Variants in ANKS1B observed in about 807,000 individuals in gnomAD.
The protein encoded by ANKS1B is ankyrin repeat and sterile alpha motif domain containing 1B.
In ANKS1B, 36 loss-of-function variants were observed where a neutral mutation model predicts 148.3. That is an observed-to-expected ratio of 0.24 (90% CI 0.19 to 0.32). ANKS1B has a LOEUF of 0.32. ANKS1B is among the 10% of genes least tolerant of loss of function. The probability of loss-of-function intolerance (pLI) is 1.00; values close to 1 mark genes in which losing one functional copy is unlikely to be tolerated. For synonymous variants in ANKS1B, 542 were observed against 560.8 expected (o/e 0.97, Z 0.47); for missense variants, 1,157 against 1,542.6 (o/e 0.75, Z 4.19).
intron 24 of ANKS1B, among the ~76,000 whole-genome samples, chr12:98,775,540 G>A (rs886646110): frequency 6.6e-6 from 1 of 151,900 alleles, no homozygotes; most frequent in Non-Finnish European, 1.5e-5. Flanking sequence ...AACTTCTCAG[G>A]CTCAAGCAAT....
Position 98,777,218 on chromosome 12 carries a change from C to A in ANKS1B, c.3441+3899G>T, listed in dbSNP as rs183524640. Among the ~76,000 whole-genome samples the A allele has an allele frequency of 3.9e-4, 60 of 152,170 alleles. No individual in the cohort carries two copies. The East Asian group carries it at 7.7e-3, about 20-fold the overall frequency. ...TTAAAAACAAAACAAAACAAAAAAA[C>A]CCCCAAACAACAGGCACTTGTTTAG... is the stretch of plus-strand genomic sequence containing the variant. On this transcript the variant is annotated intron_variant, in intron 24 of 26. Transcript: ENST00000683438.
At chr12:99,644,733 T>C (rs1003047464) in intron 9 of ANKS1B, among the ~76,000 whole-genome samples, 33 of 152,204 alleles carry the variant, frequency 2.2e-4, no homozygotes, top group African/African-American at 7.5e-4. Flanking sequence ...ACAACACAAA[T>C]TTATTCTCTC....
chr12:99,847,189 T>G (rs1204160823), intron 1 of ANKS1B, among the ~76,000 whole-genome samples: 1 of 151,646 alleles, frequency 6.6e-6, no homozygotes, highest in Non-Finnish European at 1.5e-5. Flanking sequence ...CACTGCATTC[T>G]CAAACTCCTA....
intron 17 of ANKS1B, among the ~76,000 whole-genome samples, chr12:98,848,559 A>ATT (rs199611015): frequency 9.6e-4 from 131 of 136,500 alleles, no homozygotes; most frequent in African/African-American, 2.5e-3. Context: ...GTAATTTGTG[A>ATT]TTTTTTTTTT....
chr12:99,268,157 T>A (rs965604628), intron 12 of ANKS1B, among the ~76,000 whole-genome samples: 1 of 152,186 alleles, frequency 6.6e-6, no homozygotes, highest in Non-Finnish European at 1.5e-5. Context: ...CTCAACTCGT[T>A]TTTGAAAGCC....
chr12:99,166,133 G>T (rs1441405608), intron 14 of ANKS1B, among the ~76,000 whole-genome samples: 2 of 150,994 alleles, frequency 1.3e-5, no homozygotes, highest in South Asian at 2.1e-4. Context: ...TGATAAAAAG[G>T]CATTTATACA....
intron 4 of ANKS1B, among the ~76,000 whole-genome samples, chr12:99,785,539 T>C (rs1487237339): frequency 6.6e-6 from 1 of 152,248 alleles, no homozygotes; most frequent in Non-Finnish European, 1.5e-5. Context: ...GTGCAAGCGA[T>C]TCTCCTGCCT....
chr12:99,940,093 C>CA (rs1476537351), intron 1 of ANKS1B, among the ~76,000 whole-genome samples: 2 of 151,976 alleles, frequency 1.3e-5, no homozygotes, highest in African/African-American at 4.8e-5. Context: ...AGCACATTTC[C>CA]AAAAATTGCA....
chr12:99,945,735 G>A (rs999250743), intron 1 of ANKS1B, among the ~76,000 whole-genome samples: 3 of 152,154 alleles, frequency 2.0e-5, no homozygotes, highest in African/African-American at 7.2e-5. Context: ...AACACAGACT[G>A]AGCAGAAAGT....
At chr12:99,214,716 T>G (rs1806395) in intron 14 of ANKS1B, among the ~76,000 whole-genome samples, 20,523 of 152,190 alleles carry the variant, frequency 0.13, 1,558 homozygotes, top group South Asian at 0.25. Context: ...TTAAGACACC[T>G]AAAAATGTGG....
chr12:99,149,642 G>T (rs1051834500), intron 15 of ANKS1B, among the ~76,000 whole-genome samples: 41 of 152,078 alleles, frequency 2.7e-4, no homozygotes, highest in African/African-American at 8.7e-4. Context: ...AAATATAACT[G>T]TCAGCTAGTT....
At chr12:98,980,123 C>T (rs1190745741) in intron 17 of ANKS1B, among the ~76,000 whole-genome samples, 1 of 152,216 alleles carries the variant, frequency 6.6e-6, no homozygotes, top group African/African-American at 2.4e-5. Flanking sequence ...GTAGAAATCA[C>T]ATTTGGGCTT....
At chr12:99,411,572 G>A (rs2094708519) in intron 11 of ANKS1B, among the ~76,000 whole-genome samples, 1 of 151,930 alleles carries the variant, frequency 6.6e-6, no homozygotes, top group African/African-American at 2.4e-5. Flanking sequence ...ATATCAACCT[G>A]GGATATTTTG....
In ANKS1B at chr12:99,455,706, G is replaced by T. The variant is rs993726872; in HGVS notation, c.1439-11897C>A. ...GCAGAGGCAGCCATAATCCCCCTGGGATATAACTCCATTGGCCTGGGAACT... is the reference window on the plus strand; with the variant it reads ...GCAGAGGCAGCCATAATCCCCCTGGTATATAACTCCATTGGCCTGGGAACT... On this transcript the variant is annotated intron_variant, in intron 10 of 26. Coordinates refer to ENST00000683438, the MANE Select transcript of ANKS1B (RefSeq NM_001352186.2). Among the ~76,000 whole-genome samples, 13 of 151,964 alleles carry T rather than the reference G, an allele frequency of 8.6e-5. 1 individual carries two copies. The South Asian group carries it at 1.9e-3, about 22-fold the overall frequency.
intron 17 of ANKS1B, among the ~76,000 whole-genome samples, chr12:98,845,979 TACACACACAC>T (rs67641647): frequency 8.3e-6 from 1 of 120,576 alleles, no homozygotes; most frequent in Non-Finnish European, 1.8e-5. Context: ...TATATATATA[TACACACACAC>T]ACACACACAC....
At chr12:98,929,592 CAT>C (rs1166755658) in intron 17 of ANKS1B, among the ~76,000 whole-genome samples, 1 of 151,982 alleles carries the variant, frequency 6.6e-6, no homozygotes, top group Non-Finnish European at 1.5e-5. Context: ...TAAGGAGAGA[CAT>C]ATAAATCAAT....
chr12:98,869,560 C>T (rs201372), intron 17 of ANKS1B, among the ~76,000 whole-genome samples: 34,551 of 151,848 alleles, frequency 0.23, 5,077 homozygotes, highest in East Asian at 0.56. Context: ...AATCCTGGAA[C>T]CCTAGAGGCT....
chr12:98,762,550 A>G (rs2098423988), intron 25 of ANKS1B, among the ~76,000 whole-genome samples: 1 of 152,180 alleles, frequency 6.6e-6, no homozygotes, highest in Non-Finnish European at 1.5e-5. Flanking sequence ...ATGGCCAAGC[A>G]TTTCATCTAT....
At chr12:99,654,878 C>T (rs376496855) in intron 9 of ANKS1B, among the ~76,000 whole-genome samples, 189 bp downstream of exon 9, 38 of 152,040 alleles carry the variant, frequency 2.5e-4, no homozygotes, top group Middle Eastern at 3.4e-3. Context: ...ATTATGTCTT[C>T]GCATATGTAC....
Sources: allele counts gnomAD v4.1 joint callset (sites outside exome capture counted in the v4.1 genomes callset), GRCh38; gene constraint gnomAD v4.1.1; transcripts MANE v1.5; gene names NCBI Gene and HGNC (gene_info 2026-07-23, HGNC 2026-07-21).